The following GAREM1 variants were observed in gnomAD, a reference collection of about 807,000 sequenced individuals.
The protein encoded by GAREM1 is GRB2 associated regulator of MAPK1 subtype 1, also known as GRB2-associated and regulator of MAPK protein 1.
In GAREM1, 26 loss-of-function variants were observed where a neutral mutation model predicts 71.3. That is an observed-to-expected ratio of 0.36 (90% CI 0.27 to 0.51). The LOEUF (loss-of-function observed/expected upper bound fraction) is 0.51, where lower values mean the gene tolerates loss of function less well. Among genes scored for constraint, GAREM1 ranks in the 20% least tolerant of loss-of-function variants. GAREM1 has a pLI of 0.95. For missense variants in GAREM1, 1,026 were observed against 1,103.1 expected, an observed-to-expected ratio of 0.93 and a Z score of 0.99; for synonymous variants, 440 against 433.2, an observed-to-expected ratio of 1.02 and a Z score of -0.20.
chr18:32,421,424 T>C (rs552110617), intron 1 of GAREM1, among the ~76,000 whole-genome samples: 2 of 152,322 alleles, frequency 1.3e-5, no homozygotes, highest in Admixed American at 1.3e-4. Context: ...AACATCCATC[T>C]AAACTGGTTC....
chr18:32,371,896 A>G (rs1487738697), intron 2 of GAREM1, among the ~76,000 whole-genome samples: 3 of 152,214 alleles, frequency 2.0e-5, no homozygotes, highest in African/African-American at 7.2e-5. Context: ...GCCACTAGAT[A>G]TAGAAAGCAG....
At chr18:32,313,951 G>C (rs903029691) in intron 2 of GAREM1, among the ~76,000 whole-genome samples, 2 of 152,046 alleles carry the variant, frequency 1.3e-5, no homozygotes, top group Admixed American at 1.3e-4. Flanking sequence ...TTAAGAGGTA[G>C]GTGATAAGGA....
chr18:32,468,289 T>C (rs973935963), intron 1 of GAREM1, among the ~76,000 whole-genome samples: 3 of 152,204 alleles, frequency 2.0e-5, no homozygotes, highest in Non-Finnish European at 2.9e-5. Flanking sequence ...GGGGATGAAA[T>C]TACTTGGCAT....
intron 4 of GAREM1, among the ~76,000 whole-genome samples, chr18:32,273,797 T>C (rs111833649): frequency 0.018 from 2,687 of 152,200 alleles, 44 homozygotes; most frequent in Middle Eastern, 0.027. Flanking sequence ...TTGTCAGTGA[T>C]GAAACAAGAA....
intron 1 of GAREM1, among the ~76,000 whole-genome samples, chr18:32,403,569 C>T (rs137937321): frequency 3.3e-5 from 5 of 152,220 alleles, no homozygotes; most frequent in African/African-American, 9.6e-5. Context: ...TCTTCTTGAT[C>T]CTAATCTTTC....
intron 1 of GAREM1, among the ~76,000 whole-genome samples, chr18:32,428,534 T>C (rs997565525): frequency 2.6e-5 from 4 of 152,192 alleles, no homozygotes; most frequent in South Asian, 4.1e-4. Flanking sequence ...GCTCCAGCCA[T>C]GTGAGGTACC....
chr18:32,382,119 C>T (rs552465446), intron 2 of GAREM1, among the ~76,000 whole-genome samples: 1 of 152,226 alleles, frequency 6.6e-6, no homozygotes, highest in South Asian at 2.1e-4. Flanking sequence ...GAATCCATTT[C>T]AGTTGGGTTA....
At chr18:32,466,693 A>G (rs1032703364) in intron 1 of GAREM1, among the ~76,000 whole-genome samples, 2 of 152,196 alleles carry the variant, frequency 1.3e-5, no homozygotes, top group Non-Finnish European at 2.9e-5. Context: ...GTGGAGGATT[A>G]GTATTTTCTC....
At chr18:32,269,272 C>T (rs2041421734) in intron 5 of GAREM1, among the ~76,000 whole-genome samples, 2 of 152,196 alleles carry the variant, frequency 1.3e-5, no homozygotes, top group Non-Finnish European at 2.9e-5. Flanking sequence ...AATGTTTATC[C>T]TTGTCTTAGT....
intron 3 of GAREM1, among the ~76,000 whole-genome samples, chr18:32,304,094 G>T (rs2047225604): frequency 6.6e-6 from 1 of 151,872 alleles, no homozygotes; most frequent in Non-Finnish European, 1.5e-5. Flanking sequence ...ATCACTTGAG[G>T]TCAGGAGTTC....
intron 2 of GAREM1, among the ~76,000 whole-genome samples, chr18:32,324,641 C>T (rs927057758): frequency 2.0e-5 from 3 of 152,180 alleles, no homozygotes; most frequent in South Asian, 2.1e-4. Flanking sequence ...CGCCAGCTTG[C>T]GCATTGACTT....
intron 3 of GAREM1, among the ~76,000 whole-genome samples, chr18:32,289,329 T>C (rs74396075): frequency 0.018 from 2,696 of 152,212 alleles, 89 homozygotes; most frequent in African/African-American, 0.06. Flanking sequence ...TATCACTTTA[T>C]GAAATTATGT....
intron 4 of GAREM1, among the ~76,000 whole-genome samples, chr18:32,283,823 AG>A (rs2046980027): frequency 6.6e-6 from 1 of 152,180 alleles, no homozygotes; most frequent in Non-Finnish European, 1.5e-5. Flanking sequence ...GGAGGATGCC[AG>A]AGCTGCAGCA....
intron 1 of GAREM1, among the ~76,000 whole-genome samples, chr18:32,449,709 T>C (rs1161250712): frequency 6.6e-6 from 1 of 152,194 alleles, no homozygotes; most frequent in Non-Finnish European, 1.5e-5. Context: ...GTTTAATAAA[T>C]ATTCTTTCAT....
At chr18:32,341,578 A>T (rs947804854) in intron 2 of GAREM1, among the ~76,000 whole-genome samples, 3 of 152,214 alleles carry the variant, frequency 2.0e-5, no homozygotes, top group African/African-American at 7.2e-5. Flanking sequence ...TGGTTGAACT[A>T]GTTTACAGTC....
At chr18:32,451,421 G>A (rs965521342) in intron 1 of GAREM1, among the ~76,000 whole-genome samples, 3 of 151,960 alleles carry the variant, frequency 2.0e-5, no homozygotes, top group Non-Finnish European at 4.4e-5. Flanking sequence ...ACCAAATCTC[G>A]CCTACTCTGC....
In GAREM1 at chr18:32,371,265, T is replaced by C. The variant is rs150298510; in HGVS notation, c.262+21630A>G. On this transcript the variant is annotated intron_variant, in intron 2 of 5. Coordinates refer to ENST00000269209, the MANE Select transcript of GAREM1 (RefSeq NM_001242409.2). ...ATACTGGGGAGCTTGGCCTTTCTCTTGTTGGTCTGGAGATCCACAAAAGAA... is the reference window on the plus strand; with the variant it reads ...ATACTGGGGAGCTTGGCCTTTCTCTCGTTGGTCTGGAGATCCACAAAAGAA... 4.0e-4 allele frequency among the ~76,000 whole-genome samples: 61 copies of C among 152,234 alleles called. No individual in the cohort carries two copies. In the East Asian group the frequency reaches 9.7e-3, roughly 24 times the overall value.
intron 4 of GAREM1, among the ~76,000 whole-genome samples, chr18:32,282,202 C>A (rs1033804835): frequency 6.6e-6 from 1 of 152,102 alleles, no homozygotes; most frequent in African/African-American, 2.4e-5. Context: ...TCTCTTCACA[C>A]GGACGTGCAT....
chr18:32,293,342 T>A (rs1266458314), intron 3 of GAREM1, among the ~76,000 whole-genome samples: 1 of 152,028 alleles, frequency 6.6e-6, no homozygotes. Flanking sequence ...AAGGTGCTCA[T>A]AAGATGATGG....
Sources: gnomAD v4.1 joint callset for allele counts (sites outside exome capture counted in the v4.1 genomes callset) on GRCh38, gnomAD v4.1.1 for gene constraint, MANE v1.5 for transcripts, NCBI Gene and HGNC (gene_info 2026-07-23, HGNC 2026-07-21) for gene names.